MAK: variants seen among roughly 807,000 people sequenced by gnomAD.
MAK encodes male germ cell associated kinase, also known as serine/threonine-protein kinase MAK.
MAK carries 65 observed loss-of-function variants against 82.6 expected under a neutral mutation model. The observed-to-expected ratio is 0.79, with a 90% CI of 0.64 to 0.97. The LOEUF is 0.97. Among genes scored for constraint, MAK ranks in the 50% least tolerant of loss-of-function variants. The pLI is 0.00. For synonymous variants in MAK, 250 were observed against 274.2 expected (o/e 0.91, Z 0.87); for missense variants, 703 against 780.2 (o/e 0.90, Z 1.18).
In MAK at chr6:10,776,830, T is replaced by C. The variant is rs1773491350; in HGVS notation, c.1466-1371A>G. Among the ~76,000 whole-genome samples, 1 of 152,160 alleles carries C rather than the reference T, an allele frequency of 6.6e-6. No homozygotes were observed. The highest frequency in any genetic ancestry group is 2.1e-4 in the South Asian group (1 of 4,832). On this transcript the variant is annotated intron_variant, in intron 11 of 14. Coordinates refer to ENST00000354489, the MANE Select transcript of MAK (RefSeq NM_001242957.3). This position sits in a 1 kb window ranked among gnomAD's most constrained non-coding sequence, Gnocchi z 4.3. Reference sequence around the variant, plus strand: ...AGCTGGGTGCGGTGGCTCATGCCTGTAATCCCAGCACTTTGGGAGGCCGAG... The same window carrying C: ...AGCTGGGTGCGGTGGCTCATGCCTGCAATCCCAGCACTTTGGGAGGCCGAG...
intron 10 of MAK, among the ~76,000 whole-genome samples, chr6:10,788,966 T>C (rs748199073): frequency 1.3e-5 from 2 of 152,094 alleles, no homozygotes; most frequent in South Asian, 2.1e-4. Context: ...TTGACTGCAA[T>C]TGGAGTATTT....
chr6:10,791,676 G>A lies in MAK; in HGVS notation c.1315C>T (p.Arg439Trp), dbSNP rs764870230. The A allele has an allele frequency of 1.1e-5, 17 of 1,612,702 alleles. No individual in the cohort carries two copies. The highest frequency in any genetic ancestry group is 1.6e-4 in the Middle Eastern group (1 of 6,072). ...TTTCTGAGGAATTTGAAATCTTACC[G>A]AAATGGAGAATCTTTTTTCCTTTTT... is the stretch of plus-strand genomic sequence containing the variant. Reference protein sequence around the residue: ...KEKRKKDSPFRLPEPVPSGSN... With the variant: ...KEKRKKDSPFWLPEPVPSGSN... The change falls in exon 10 of 15, where the codon CGG (arginine) becomes TGG (tryptophan). Residue 439 changes from arginine to tryptophan, a missense_variant and splice_region_variant. Arg to Trp is a moderately radical substitution (Grantham distance 101). Coordinates refer to ENST00000354489, the MANE Select transcript of MAK (RefSeq NM_001242957.3).
chr6:10,833,630 T>C (rs1471363144), intron 1 of MAK, among the ~76,000 whole-genome samples: 1 of 151,214 alleles, frequency 6.6e-6, no homozygotes, highest in Non-Finnish European at 1.5e-5. Context: ...ATAATAATAA[T>C]AATAATAATA....
chr6:10,804,764 G>A (rs1356038000), intron 6 of MAK, among the ~76,000 whole-genome samples: 2 of 152,140 alleles, frequency 1.3e-5, no homozygotes, highest in East Asian at 3.8e-4. Flanking sequence ...ACCAAAATGT[G>A]TAAATATTTC....
At chr6:10,820,299 C>T (rs531607780) in intron 2 of MAK, among the ~76,000 whole-genome samples, 1 of 152,024 alleles carries the variant, frequency 6.6e-6, no homozygotes, top group Non-Finnish European at 1.5e-5. Context: ...TTATTAATTA[C>T]AATAATCCTT....
At chr6:10,771,379 A>G (rs1773002612) in intron 13 of MAK, among the ~76,000 whole-genome samples, 1 of 152,194 alleles carries the variant, frequency 6.6e-6, no homozygotes, top group Non-Finnish European at 1.5e-5. Context: ...GAGCTCGGAT[A>G]GGACCAGCAC....
At chr6:10,795,802 T>G (rs1422099440) in intron 9 of MAK, among the ~76,000 whole-genome samples, 196 bp downstream of exon 9, 1 of 152,212 alleles carries the variant, frequency 6.6e-6, no homozygotes, top group Non-Finnish European at 1.5e-5. Context: ...GTTACTTTTA[T>G]CCTGAAAGTT....
At position 10,791,738 on chromosome 6, in the gene MAK, G is replaced by A; in HGVS notation, c.1253C>T (p.Ser418Phe). ...EELEDYDFGA[S>F]HSKKPSMGVF... The stretch of plus-strand genomic sequence containing the variant: ...ACCCATGCTTGGCTTCTTGGAATGG[G>A]AGGCTCCGAAATCATAGTCCTCCAA... The change falls in exon 10 of 15, where the codon TCC becomes TTC. Residue 418 changes from serine to phenylalanine, a missense_variant. Coordinates refer to ENST00000354489, the MANE Select transcript of MAK (RefSeq NM_001242957.3). 6.2e-7 allele frequency: 1 copy of A among 1,613,994 alleles called. No homozygotes were observed. The highest frequency in any genetic ancestry group is 1.1e-5 in the South Asian group (1 of 91,054).
intron 13 of MAK, among the ~76,000 whole-genome samples, chr6:10,771,633 T>C (rs1053790791): frequency 6.6e-6 from 1 of 152,268 alleles, no homozygotes; most frequent in Non-Finnish European, 1.5e-5. Flanking sequence ...CACTGGGCTC[T>C]GTGTCCGTTG....
rs1285714453 is a variant in MAK, at chr6:10,808,841, G to T, written c.460C>A (p.Pro154Thr). The T allele has an allele frequency of 6.2e-7, 1 of 1,613,820 alleles. No homozygotes were observed. The change falls in exon 6 of 15, where the codon CCA (proline) becomes ACA (threonine). Residue 154 changes from proline to threonine, a missense_variant. Pro to Thr is a conservative substitution (Grantham distance 38, BLOSUM62 -1). Coordinates refer to ENST00000354489, the MANE Select transcript of MAK (RefSeq NM_001242957.3). ...FGLARELRSQ[P>T]PYTDYVSTRW... Reference sequence around the variant, plus strand: ...GTAGATACATAATCAGTGTATGGTGGCTGTGACCTTAATTCTCTTGCAAGT... The same window carrying T: ...GTAGATACATAATCAGTGTATGGTGTCTGTGACCTTAATTCTCTTGCAAGT...
chr6:10,768,844 A>G (rs1485839313), intron 14 of MAK, among the ~76,000 whole-genome samples: 1 of 152,216 alleles, frequency 6.6e-6, no homozygotes, highest in Non-Finnish European at 1.5e-5. Flanking sequence ...AGACTGGCAC[A>G]TCTAATCAGG....
At chr6:10,805,654 T>G (rs1776382661) in intron 6 of MAK, among the ~76,000 whole-genome samples, 1 of 151,952 alleles carries the variant, frequency 6.6e-6, no homozygotes, top group Non-Finnish European at 1.5e-5. Flanking sequence ...TAGCCTATGG[T>G]CGAATTGGTT....
chr6:10,810,183 T>C (rs79126980), intron 5 of MAK, among the ~76,000 whole-genome samples: 6,935 of 151,306 alleles, frequency 0.046, 193 homozygotes, highest in Middle Eastern at 0.13. Flanking sequence ...CAGATGAGAT[T>C]TGTCTTAAGG....
At chr6:10,787,005 C>T (rs1227248214) in intron 10 of MAK, among the ~76,000 whole-genome samples, 8 of 131,006 alleles carry the variant, frequency 6.1e-5, no homozygotes, top group Non-Finnish European at 1.1e-4. Flanking sequence ...TTCACCACTC[C>T]GCTAATGCAC....
chr6:10,785,924 A>C (rs181062825), intron 10 of MAK, among the ~76,000 whole-genome samples: 1 of 152,330 alleles, frequency 6.6e-6, no homozygotes, highest in East Asian at 1.9e-4. Context: ...ATCTAAATAT[A>C]AATATCTTGC....
At position 10,772,632 on chromosome 6, in the gene MAK, C is replaced by T. The variant is rs1465294282; in HGVS notation, c.1672+402G>A. ...TGCTGGGATTTCAGGTGTGAGCCAC[C>T]GCGCCCAGCCTAACCTTTTTAAAAA... On this transcript the variant is annotated intron_variant, in intron 13 of 14. Coordinates refer to ENST00000354489, the MANE Select transcript of MAK (RefSeq NM_001242957.3). 2.6e-5 allele frequency among the ~76,000 whole-genome samples: 4 copies of T among 151,792 alleles called. No homozygotes were observed. In the East Asian group the frequency reaches 5.8e-4, roughly 22 times the overall value.
chr6:10,825,289 T>A (rs1778279121), intron 2 of MAK, among the ~76,000 whole-genome samples: 1 of 152,228 alleles, frequency 6.6e-6, no homozygotes, highest in Non-Finnish European at 1.5e-5. Context: ...GAAAGAGCTC[T>A]GGAATCATCA....
At chr6:10,784,223 C>G (rs570507503) in intron 11 of MAK, among the ~76,000 whole-genome samples, 1 of 152,192 alleles carries the variant, frequency 6.6e-6, no homozygotes, top group Admixed American at 6.6e-5. Flanking sequence ...ATTTTTGCTC[C>G]TAAGCATTTC....
intron 11 of MAK, chr6:10,779,313 A>G: frequency 1.0e-6 from 1 of 982,810 alleles, no homozygotes; most frequent in Non-Finnish European, 1.2e-6. Context: ...TAATTAAAGT[A>G]CCTAAGGCTT....
Sources: gnomAD v4.1 joint callset for allele counts (sites outside exome capture counted in the v4.1 genomes callset) on GRCh38, gnomAD v4.1.1 for gene constraint, Gnocchi (gnomAD v3.1) non-coding constraint, MANE v1.5 for transcripts, NCBI Gene and HGNC (gene_info 2026-07-23, HGNC 2026-07-21) for gene names.